Variants in RARB observed in about 807,000 individuals in gnomAD.
RARB encodes the protein retinoic acid receptor beta, also known as HBV-activated protein.
A neutral mutation model predicts 51.9 loss-of-function variants in RARB; 17 were observed. That is an observed-to-expected ratio of 0.33 (90% CI 0.22 to 0.49). RARB has a LOEUF of 0.49. Ranked by LOEUF, RARB falls within the 20% of genes least tolerant of loss-of-function variation. The probability of loss-of-function intolerance (pLI) is 0.99; values close to 1 mark genes in which losing one functional copy is unlikely to be tolerated. For synonymous variants in RARB, 215 were observed against 195.4 expected (o/e 1.10, Z -0.84); for missense variants, 369 against 550.8 (o/e 0.67, Z 3.30).
At chr3:25,189,207 C>T (rs1701042885) in intron 5 of RARB, among the ~76,000 whole-genome samples, 3 of 152,228 alleles carry the variant, frequency 2.0e-5, no homozygotes, top group Middle Eastern at 3.4e-3. Flanking sequence ...GGTCAGTCAG[C>T]AAAAGCAGGT....
intron 2 of RARB, among the ~76,000 whole-genome samples, chr3:25,465,891 T>C (rs1350498134): frequency 6.6e-6 from 1 of 152,246 alleles, no homozygotes; most frequent in Non-Finnish European, 1.5e-5. Context: ...TGCTCATAGC[T>C]AAAATTTAAT....
At chr3:25,028,746 G>A (rs1296931304) in intron 2 of RARB, among the ~76,000 whole-genome samples, 1 of 152,136 alleles carries the variant, frequency 6.6e-6, no homozygotes, top group Non-Finnish European at 1.5e-5. Flanking sequence ...GTGCTTAAGG[G>A]AACTTTCAAG....
intron 2 of RARB, among the ~76,000 whole-genome samples, chr3:25,483,957 T>G (rs1049860142): frequency 3.3e-5 from 5 of 152,248 alleles, no homozygotes; most frequent in South Asian, 2.1e-4. Context: ...TATTTCAGTT[T>G]GGTTATAAAT....
intron 2 of RARB, among the ~76,000 whole-genome samples, chr3:25,470,693 A>G (rs1463462186): frequency 2.0e-5 from 3 of 152,218 alleles, no homozygotes; most frequent in African/African-American, 7.2e-5. Flanking sequence ...AGACACTCAA[A>G]AGGACTCAAT....
rs997444742 is a variant in RARB at position 25,244,669 on chromosome 3, C to T, written c.178+70094C>T. Among the ~76,000 whole-genome samples the T allele has an allele frequency of 2.6e-5, 4 of 152,178 alleles. No individual in the cohort carries two copies. The South Asian group carries it at 8.3e-4, about 31-fold the overall frequency. ...AGTTCTAATTTGATTACACTGTGGT[C>T]TGAGAGAGTGTTTGTTATGATTTCT... On this transcript the variant is annotated intron_variant, in intron 5 of 11. Transcript: ENST00000383772.
At chr3:24,935,096 T>C (rs1048092963) in intron 2 of RARB, among the ~76,000 whole-genome samples, 1 of 152,172 alleles carries the variant, frequency 6.6e-6, no homozygotes, top group Non-Finnish European at 1.5e-5. Context: ...GGTGGCTGTT[T>C]ATTAATGTTT....
intron 2 of RARB, among the ~76,000 whole-genome samples, chr3:24,948,747 G>T (rs1443893189): frequency 6.6e-6 from 1 of 152,112 alleles, no homozygotes; most frequent in African/African-American, 2.4e-5. Flanking sequence ...GGTGATGAAT[G>T]AGTTCTCACT....
rs972905743 is a variant in RARB at position 25,033,417 on chromosome 3, G to A, written c.-379-26708G>A. On this transcript the variant is annotated intron_variant, in intron 2 of 11. Coordinates refer to the RARB transcript ENST00000383772. ...AATTGTCTGAAATGTGGGAGAGATG[G>A]TGAATCAGAAGTTATTAACCAGAAA... Among the ~76,000 whole-genome samples the A allele has an allele frequency of 2.0e-5, 3 of 152,204 alleles. No individual in the cohort carries two copies. The East Asian group carries it at 5.8e-4, about 29-fold the overall frequency.
At chr3:25,289,284 G>A (rs1157618125) in intron 5 of RARB, among the ~76,000 whole-genome samples, 1 of 152,202 alleles carries the variant, frequency 6.6e-6, no homozygotes, top group Admixed American at 6.5e-5. Context: ...TGAGATCTGT[G>A]TGTAAAGCAC....
intron 2 of RARB, among the ~76,000 whole-genome samples, chr3:24,888,369 G>A (rs767976146): frequency 2.4e-4 from 36 of 152,052 alleles, no homozygotes; most frequent in Non-Finnish European, 4.0e-4. Flanking sequence ...TTAATGGTAG[G>A]AGCCGGGATT....
intron 2 of RARB, among the ~76,000 whole-genome samples, chr3:25,031,028 C>G (rs1225554144): frequency 1.3e-5 from 2 of 152,138 alleles, no homozygotes; most frequent in Non-Finnish European, 2.9e-5. Flanking sequence ...AGTAGGGTTT[C>G]TTAATTTAGC....
At chr3:25,245,118 A>T (rs1702526179) in intron 5 of RARB, among the ~76,000 whole-genome samples, 1 of 151,984 alleles carries the variant, frequency 6.6e-6, no homozygotes, top group Non-Finnish European at 1.5e-5. Context: ...AGAGAGACTA[A>T]GATTGCAACT....
At chr3:25,529,927 G>A (rs147902426) in intron 3 of RARB, among the ~76,000 whole-genome samples, 3 of 152,244 alleles carry the variant, frequency 2.0e-5, no homozygotes, top group Non-Finnish European at 2.9e-5. Flanking sequence ...TCAGTGGCTC[G>A]CTATTTTCTC....
chr3:24,965,626 T>A (rs993444235), intron 2 of RARB, among the ~76,000 whole-genome samples: 1 of 152,194 alleles, frequency 6.6e-6, no homozygotes, highest in Non-Finnish European at 1.5e-5. Context: ...CCTTCTGTTT[T>A]GCCACCTATA....
At chr3:25,576,151 A>G (rs887604854) in intron 4 of RARB, among the ~76,000 whole-genome samples, 2 of 152,100 alleles carry the variant, frequency 1.3e-5, no homozygotes, top group African/African-American at 4.8e-5. Flanking sequence ...AGGGAGGCAG[A>G]GCTAAGTTTG....
At chr3:24,928,164 G>T (rs17015482) in intron 2 of RARB, among the ~76,000 whole-genome samples, 2 of 151,912 alleles carry the variant, frequency 1.3e-5, no homozygotes, top group Non-Finnish European at 2.9e-5. Context: ...TTGGAAGTCA[G>T]CAGGTATAAA....
chr3:25,399,283 T>C (rs1270950630), intron 5 of RARB, among the ~76,000 whole-genome samples: 1 of 152,188 alleles, frequency 6.6e-6, no homozygotes, highest in Non-Finnish European at 1.5e-5. Flanking sequence ...CTCTCCTTAG[T>C]CCTTGCTAAA....
intron 5 of RARB, chr3:25,174,675 T>G: frequency 3.6e-6 from 4 of 1,118,534 alleles, no homozygotes; most frequent in Middle Eastern, 2.4e-4. Flanking sequence ...TCTTATTTCA[T>G]TGGGTGCTGG....
chr3:25,500,502 C>G (rs555990938), intron 2 of RARB, among the ~76,000 whole-genome samples: 7 of 90,696 alleles, frequency 7.7e-5, no homozygotes, highest in Non-Finnish European at 1.2e-4. Flanking sequence ...GTTGTTGAGA[C>G]AGAGTCTCAC....
Sources: allele counts gnomAD v4.1 joint callset (sites outside exome capture counted in the v4.1 genomes callset), GRCh38; gene constraint gnomAD v4.1.1; transcripts MANE v1.5; gene names NCBI Gene and HGNC (gene_info 2026-07-23, HGNC 2026-07-21).